Variants in GRID2 observed in about 807,000 individuals in gnomAD.
GRID2 encodes glutamate ionotropic receptor delta type subunit 2, also known as glutamate receptor ionotropic, delta-2.
A neutral mutation model predicts 114.8 loss-of-function variants in GRID2; 33 were observed. The observed-to-expected ratio is 0.29, with a 90% confidence interval of 0.22 to 0.38. The LOEUF is 0.38. Ranked by LOEUF, GRID2 falls within the 10% of genes least tolerant of loss-of-function variation. The pLI, the probability that GRID2 is intolerant of heterozygous loss-of-function variation, is 1.00. For synonymous variants in GRID2, 505 were observed against 449.9 expected (o/e 1.12, Z -1.55); for missense variants, 1,184 against 1,257.7 (o/e 0.94, Z 0.89).
At chr4:93,661,771 G>A (rs13119905) in intron 14 of GRID2, among the ~76,000 whole-genome samples, 9,316 of 152,048 alleles carry the variant, frequency 0.061, 360 homozygotes, top group Middle Eastern at 0.16. Context: ...CTGTGTAGTC[G>A]GCACAAATGG....
At chr4:92,542,141 T>C (rs1009854622) in intron 1 of GRID2, among the ~76,000 whole-genome samples, 1 of 152,076 alleles carries the variant, frequency 6.6e-6, no homozygotes, top group Non-Finnish European at 1.5e-5. Flanking sequence ...AAAGCTGATA[T>C]GGTATAATAA....
chr4:93,293,847 A>C (rs1204036856), intron 8 of GRID2, among the ~76,000 whole-genome samples: 1 of 152,166 alleles, frequency 6.6e-6, no homozygotes, highest in Non-Finnish European at 1.5e-5. Flanking sequence ...TGTGCCAGGC[A>C]CTGTACTAGA....
intron 2 of GRID2, among the ~76,000 whole-genome samples, chr4:92,608,197 C>T (rs1393209304): frequency 6.6e-6 from 1 of 151,692 alleles, no homozygotes; most frequent in Non-Finnish European, 1.5e-5. Flanking sequence ...AGATCTGTGT[C>T]CTATTCCCAA....
chr4:93,556,913 C>T (rs935824246), intron 13 of GRID2, among the ~76,000 whole-genome samples: 6 of 152,174 alleles, frequency 3.9e-5, no homozygotes, highest in African/African-American at 1.2e-4. Context: ...ATCCTACCAG[C>T]CAGAAGAGAG....
chr4:93,543,695 A>AGAGT (rs1732884135), intron 13 of GRID2, among the ~76,000 whole-genome samples: 2 of 140,562 alleles, frequency 1.4e-5, no homozygotes, highest in African/African-American at 2.6e-5. Context: ...AGCAAGAGTG[A>AGAGT]GAGTGAGTGA....
At chr4:93,314,327 A>AAAGAAG (rs1259359236) in intron 8 of GRID2, among the ~76,000 whole-genome samples, 3 of 130,424 alleles carry the variant, frequency 2.3e-5, no homozygotes, top group Non-Finnish European at 4.9e-5. Context: ...AAAAAAAAAA[A>AAAGAAG]AAGAAGAAGA....
intron 13 of GRID2, among the ~76,000 whole-genome samples, chr4:93,623,886 G>A (rs59239393): frequency 0.12 from 18,532 of 152,000 alleles, 1,176 homozygotes; most frequent in Middle Eastern, 0.14. Context: ...GGTCTTAAGA[G>A]GTTCTAAAAT....
chr4:92,829,065 T>C (rs572461837), intron 2 of GRID2, among the ~76,000 whole-genome samples: 43 of 152,284 alleles, frequency 2.8e-4, no homozygotes, highest in African/African-American at 9.4e-4. Context: ...TTGCTTTTGG[T>C]GTTTTAGTCA....
intron 4 of GRID2, among the ~76,000 whole-genome samples, chr4:93,170,046 A>T (rs553810974): frequency 6.6e-6 from 1 of 152,236 alleles, no homozygotes; most frequent in Non-Finnish European, 1.5e-5. Context: ...TTTTGGCAAT[A>T]ATTAGATTTC....
chr4:93,084,879 A>G, intron 2 of GRID2, 116 bp from the exon 3 acceptor site: 1 of 714,566 alleles, frequency 1.4e-6, no homozygotes, highest in Non-Finnish European at 2.3e-6. Context: ...TTCCTTTCTA[A>G]AACATTTTCA....
intron 2 of GRID2, among the ~76,000 whole-genome samples, chr4:92,965,450 TAAAAAAAAAAAAAAAAAAAAAAAAA>T (rs869285420): frequency 2.1e-4 from 18 of 85,758 alleles, no homozygotes; most frequent in Admixed American, 1.5e-3. Context: ...ATTCAATTTG[TAAAAAAAAAAAAAAAAAAAAAAAAA>T]AAAAAAAAAA....
At chr4:92,541,051 C>T (rs556903680) in intron 1 of GRID2, among the ~76,000 whole-genome samples, 1 of 151,982 alleles carries the variant, frequency 6.6e-6, no homozygotes, top group Non-Finnish European at 1.5e-5. Flanking sequence ...GGACAAAAAA[C>T]CAAACACCAC....
intron 1 of GRID2, among the ~76,000 whole-genome samples, chr4:92,555,717 G>A (rs1395107362): frequency 1.3e-5 from 2 of 152,142 alleles, no homozygotes; most frequent in Non-Finnish European, 2.9e-5. Flanking sequence ...TGGCTTCCAA[G>A]CCATGTTGAG....
rs547424626 is a variant in GRID2 at position 92,601,788 on chromosome 4, A to G, written c.244+11502A>G. Among the ~76,000 whole-genome samples, 12 of 152,218 alleles carry G rather than the reference A, an allele frequency of 7.9e-5. No individual in the cohort carries two copies. The East Asian group carries it at 2.3e-3, about 29-fold the overall frequency. The stretch of plus-strand genomic sequence containing the variant: ...ACCACCTGCTGAAATAATAAAGAAA[A>G]GAGAAGAATCAAATAGACACAAGAA... On this transcript the variant is annotated intron_variant, in intron 2 of 15. Transcript: ENST00000282020.
intron 13 of GRID2, among the ~76,000 whole-genome samples, chr4:93,550,459 G>T (rs1733649784): frequency 6.6e-6 from 1 of 152,148 alleles, no homozygotes; most frequent in African/African-American, 2.4e-5. Context: ...TACAAAGGCT[G>T]CCCATGACCC....
intron 8 of GRID2, among the ~76,000 whole-genome samples, chr4:93,387,233 T>C (rs769175854): frequency 2.0e-4 from 31 of 152,170 alleles, no homozygotes; most frequent in Non-Finnish European, 3.7e-4. Context: ...TAACATAGAT[T>C]AGGTATTACT....
chr4:92,530,417 A>G (rs963746678), intron 1 of GRID2, among the ~76,000 whole-genome samples: 2 of 151,354 alleles, frequency 1.3e-5, no homozygotes, highest in Non-Finnish European at 2.9e-5. Context: ...TAACGTTTTC[A>G]AGACTTTGGA....
chr4:93,490,784 A>C lies in GRID2; in HGVS notation c.1997+7A>C, dbSNP rs1309183290. ...GCATTGAAAGTTCCATCCAGTAAGT[A>C]AACAATGTTTCCATTAGCCACAAAA... On this transcript the variant is annotated splice_region_variant and intron_variant, in intron 12 of 15. Coordinates refer to ENST00000282020, the MANE Select transcript of GRID2 (RefSeq NM_001510.4). The C allele has an allele frequency of 6.2e-7, 1 of 1,600,894 alleles. No homozygotes were observed. Among genetic ancestry groups the C allele is most frequent in the Non-Finnish European group, 8.5e-7 (1 of 1,170,136 alleles).
chr4:92,865,778 G>C (rs548419273), intron 2 of GRID2, among the ~76,000 whole-genome samples: 1 of 152,016 alleles, frequency 6.6e-6, no homozygotes, highest in Non-Finnish European at 1.5e-5. Flanking sequence ...ATAATATTTC[G>C]GCCATAAAGC....
Sources: allele counts gnomAD v4.1 joint callset (sites outside exome capture counted in the v4.1 genomes callset), GRCh38; gene constraint gnomAD v4.1.1; transcripts MANE v1.5; gene names NCBI Gene and HGNC (gene_info 2026-07-23, HGNC 2026-07-21).